ADCY9: variants seen among roughly 807,000 people sequenced by gnomAD.
ADCY9 encodes the protein adenylate cyclase type 9.
Under a neutral mutation model 101.5 loss-of-function variants are expected in ADCY9, and 50 were observed. That is an observed-to-expected ratio of 0.49 (90% CI 0.39 to 0.62). The LOEUF (loss-of-function observed/expected upper bound fraction) is 0.62. Ranked by LOEUF, ADCY9 falls within the 20% of genes least tolerant of loss-of-function variation. The probability of loss-of-function intolerance (pLI) is 0.00; values close to 1 mark genes in which losing one functional copy is unlikely to be tolerated. For missense variants in ADCY9, 1,662 were observed against 1,800.4 expected, an observed-to-expected ratio of 0.92 and a Z score of 1.39; for synonymous variants, 905 against 769.3, an observed-to-expected ratio of 1.18 and a Z score of -2.92.
intron 2 of ADCY9, among the ~76,000 whole-genome samples, chr16:4,041,206 A>G (rs1229510541): frequency 1.3e-5 from 2 of 152,130 alleles, no homozygotes; most frequent in Non-Finnish European, 2.9e-5. Flanking sequence ...TTTTCCTTCT[A>G]AAGAGCTAGA....
rs1437158042 is a variant in ADCY9, at chr16:3,963,345, C to G, written c.*2430G>C. ...ACTCGTGTCTCCAGCACGATGTGCTCGCTGCCAACAGACAAGAGATGCACG... is the reference window on the plus strand; with the variant it reads ...ACTCGTGTCTCCAGCACGATGTGCTGGCTGCCAACAGACAAGAGATGCACG... On this transcript the variant is annotated 3_prime_UTR_variant, in exon 11 of 11. Transcript: ENST00000294016. 2.5e-6 allele frequency: 1 copy of G among 398,698 alleles called. No homozygotes were observed. Among genetic ancestry groups the G allele is most frequent in the African/African-American group, 2.1e-5 (1 of 48,540 alleles). 24.7% of individuals were successfully genotyped at this position (398,698 alleles called of 1,614,324 possible).
intron 8 of ADCY9, among the ~76,000 whole-genome samples, chr16:3,978,330 G>A (rs761063009): frequency 5.9e-5 from 9 of 152,086 alleles, no homozygotes; most frequent in Non-Finnish European, 1.0e-4. Flanking sequence ...AACACCATCA[G>A]CCCGCCCGGA....
chr16:4,022,207 T>C (rs2056481644), intron 2 of ADCY9, among the ~76,000 whole-genome samples: 1 of 152,084 alleles, frequency 6.6e-6, no homozygotes, highest in Non-Finnish European at 1.5e-5. Context: ...AAAGACTAAA[T>C]ACAACCAGGC....
chr16:4,113,551 G>A (rs191563701), intron 2 of ADCY9, among the ~76,000 whole-genome samples, 199 bp downstream of exon 2: 14 of 152,194 alleles, frequency 9.2e-5, no homozygotes, highest in African/African-American at 3.4e-4. Context: ...TCTGCACAGC[G>A]TCCCTTTCTG....
chr16:4,073,869 G>A (rs1285443977), intron 2 of ADCY9, among the ~76,000 whole-genome samples: 1 of 152,154 alleles, frequency 6.6e-6, no homozygotes, highest in African/African-American at 2.4e-5. Flanking sequence ...TCCTGAAGTG[G>A]CCTAAAAAGA....
At chr16:3,999,235 T>TTAGA (rs1265288064) in intron 3 of ADCY9, among the ~76,000 whole-genome samples, 1 of 151,996 alleles carries the variant, frequency 6.6e-6, no homozygotes, top group Admixed American at 6.6e-5. Flanking sequence ...GGCAGGCACA[T>TTAGA]TAGAGAAAAA....
rs1275618342 is a variant in ADCY9, at chr16:4,115,135, G to T, written c.308C>A (p.Ala103Asp). The stretch of plus-strand genomic sequence containing the variant: ...CTGCGGGAAGCAGCGCTCCAGGCAG[G>T]CCTCCTCCAGGTTCACCGAGTCGAA... ...PKFDSVNLEEACLERCFPQTQ... is the reference protein window; with the variant it reads ...PKFDSVNLEEDCLERCFPQTQ... The change falls in exon 2 of 11, where the codon GCC becomes GAC. Residue 103 changes from alanine to aspartate, a missense_variant. Ala to Asp is a moderately radical substitution (Grantham distance 126). This residue lies in a region of ADCY9 where 422 missense variants were observed against 392.0 expected (regional missense o/e 1.08). Coordinates refer to ENST00000294016, the MANE Select transcript of ADCY9 (RefSeq NM_001116.4). This position sits in a 1 kb window ranked among gnomAD's most constrained non-coding sequence, Gnocchi z 6.2. The T allele has an allele frequency of 2.5e-6, 4 of 1,613,690 alleles. No individual in the cohort carries two copies. Among genetic ancestry groups the T allele is most frequent in the Non-Finnish European group, 3.4e-6 (4 of 1,180,030 alleles).
At chr16:3,978,705 GTTTAT>G (rs965186551) in intron 8 of ADCY9, among the ~76,000 whole-genome samples, 24 of 152,108 alleles carry the variant, frequency 1.6e-4, no homozygotes, top group African/African-American at 5.3e-4. Flanking sequence ...CTCTTCAAGG[GTTTAT>G]TTTATTTTAT....
intron 5 of ADCY9, among the ~76,000 whole-genome samples, chr16:3,956,042 T>A (rs2055904687): frequency 6.6e-6 from 1 of 152,022 alleles, no homozygotes; most frequent in African/African-American, 2.4e-5. Flanking sequence ...TTGAAAAATT[T>A]TTCGTAGAAA....
intron 10 of ADCY9, among the ~76,000 whole-genome samples, chr16:3,973,782 C>T (rs1164178157): frequency 6.6e-6 from 1 of 152,070 alleles, no homozygotes; most frequent in Non-Finnish European, 1.5e-5. Flanking sequence ...CGGGAGTCAC[C>T]GAGCCCGGTC....
chr16:4,000,964 T>TACACACACACACACACACACACA (rs1284156698), intron 3 of ADCY9, among the ~76,000 whole-genome samples: 1 of 44,944 alleles, frequency 2.2e-5, no homozygotes, highest in Non-Finnish European at 5.5e-5. Context: ...TCCATCCCTC[T>TACACACACACACACACACACACA]CTCTACACAC....
At position 3,965,550 on chromosome 16, in the gene ADCY9, G is replaced by A. The variant is rs936771530; in HGVS notation, c.*225C>T. 2 of 582,560 alleles carry A rather than the reference G, an allele frequency of 3.4e-6. No homozygotes were observed. The highest frequency in any genetic ancestry group is 2.2e-5 in the South Asian group (1 of 46,276). The allele number at this position is 582,560 out of a possible 1,614,324, so 36.1% of individuals were successfully genotyped here. ...ACTTGTTCTCCACCACGTGCTGAACGGATGACCCAGAGGCAGCGGGGTTTC... is the reference window on the plus strand; with the variant it reads ...ACTTGTTCTCCACCACGTGCTGAACAGATGACCCAGAGGCAGCGGGGTTTC... On this transcript the variant is annotated 3_prime_UTR_variant, in exon 11 of 11. Coordinates refer to ENST00000294016, the MANE Select transcript of ADCY9 (RefSeq NM_001116.4).
chr16:4,013,259 G>A (rs140258077), intron 2 of ADCY9, among the ~76,000 whole-genome samples: 67 of 149,190 alleles, frequency 4.5e-4, no homozygotes, highest in Non-Finnish European at 3.4e-4. Flanking sequence ...AAAAAAAAAA[G>A]AAAAAGAAAA....
chr16:4,032,342 C>A (rs940198543), intron 2 of ADCY9, among the ~76,000 whole-genome samples: 1 of 151,842 alleles, frequency 6.6e-6, no homozygotes. Context: ...AGAGACGGGA[C>A]CACCAGGAAT....
At chr16:3,958,541 CAAA>C (rs57920543), downstream of ADCY9, among the ~76,000 whole-genome samples, 2,042 of 104,074 alleles carry the variant, frequency 0.02, 24 homozygotes, top group African/African-American at 0.058. Context: ...AACTCCGTCT[CAAA>C]AAAAAAAAAA....
chr16:3,992,276 A>C lies in ADCY9; in HGVS notation c.2077T>G (p.Cys693Gly). Residue 693 changes from cysteine to glycine, a missense_variant, in exon 5 of 11, where the codon TGT becomes GGT. Transcript: ENST00000294016. This position sits in a 1 kb window ranked among gnomAD's most constrained non-coding sequence, Gnocchi z 4.2. ...CTTCCCTTCTCCTGCAAGATCTCACACAGAGAAGTCTGACTGTTGGTGAGC... is the reference window on the plus strand; with the variant it reads ...CTTCCCTTCTCCTGCAAGATCTCACCCAGAGAAGTCTGACTGTTGGTGAGC... ...EKLTNSQTSL[C>G]EILQEKGRWA... 1 of 1,614,150 alleles carries C rather than the reference A, an allele frequency of 6.2e-7. No individual in the cohort carries two copies. Among genetic ancestry groups the C allele is most frequent in the Non-Finnish European group, 8.5e-7 (1 of 1,180,016 alleles).
At chr16:3,972,651 A>T (rs748809520) in intron 10 of ADCY9, among the ~76,000 whole-genome samples, 5 of 152,202 alleles carry the variant, frequency 3.3e-5, no homozygotes, top group Non-Finnish European at 7.3e-5. Flanking sequence ...AAAACTGAAA[A>T]AAATAGAAAG....
chr16:4,114,193 C>G lies in ADCY9; in HGVS notation c.1250G>C (p.Gly417Ala). The change falls in exon 2 of 11, where the codon GGT becomes GCT. Residue 417 changes from glycine (G) to alanine (A), a missense_variant. Physicochemically the swap from Gly to Ala is moderately conservative, Grantham distance 60. Coordinates refer to ENST00000294016, the MANE Select transcript of ADCY9 (RefSeq NM_001116.4). The surrounding 1 kb of genome is among the most constrained non-coding windows in gnomAD (Gnocchi z 4.3). ...GCGACCGAACAGATCGTTCAGGAGA[C>G]CCACCAGGGCGTGGGCAGACTTGTT... ...SANKSAHALV[G>A]LLNDLFGRFD... 1.9e-6 allele frequency: 3 copies of G among 1,613,972 alleles called. No homozygotes were observed. The highest frequency in any genetic ancestry group is 2.2e-5 in the East Asian group (1 of 44,886).
chr16:4,104,191 C>G (rs1185169371), intron 2 of ADCY9, among the ~76,000 whole-genome samples: 2 of 152,134 alleles, frequency 1.3e-5, no homozygotes, highest in African/African-American at 4.8e-5. Context: ...TAAAAAATTC[C>G]AGTTTTCAAG....
Sources: allele counts gnomAD v4.1 joint callset (sites outside exome capture counted in the v4.1 genomes callset), GRCh38; gene constraint gnomAD v4.1.1; regional missense constraint gnomAD v4.1.1; non-coding constraint Gnocchi (gnomAD v3.1); transcripts MANE v1.5; gene names NCBI Gene and HGNC (gene_info 2026-07-23, HGNC 2026-07-21).